The following TRADD variants were observed in gnomAD, a reference collection of about 807,000 sequenced individuals.
TRADD encodes tumor necrosis factor receptor type 1-associated DEATH domain protein.
In TRADD, 14 loss-of-function variants were observed where a neutral mutation model predicts 31.5. The observed-to-expected ratio is 0.44, with a 90% CI of 0.29 to 0.69. The LOEUF (loss-of-function observed/expected upper bound fraction) is 0.69, where lower values mean the gene tolerates loss of function less well. Ranked by LOEUF, TRADD falls within the 30% of genes least tolerant of loss-of-function variation. TRADD has a pLI of 0.11. For synonymous variants in TRADD, 220 were observed against 215.8 expected, an observed-to-expected ratio of 1.02 and a Z score of -0.17; for missense variants, 388 against 435.7, an observed-to-expected ratio of 0.89 and a Z score of 0.97.
In TRADD at chr16:67,156,449, G is replaced by C; in HGVS notation, c.151+61C>G. On this transcript the variant is annotated intron_variant, in intron 2 of 4. Transcript: ENST00000345057. This position sits in a 1 kb window ranked among gnomAD's most constrained non-coding sequence, Gnocchi z 4.6. ...TCTTCTTAAAGGTGGCTAAACCCAG[G>C]CCCACCCACAAAATGCTCCAGGCCA... 5 of 1,600,688 alleles carry C rather than the reference G, an allele frequency of 3.1e-6. No homozygotes were observed. The highest frequency in any genetic ancestry group is 4.2e-6 in the Non-Finnish European group (5 of 1,179,318).
chr16:67,158,077 T>C (rs563418270), intron 1 of TRADD, among the ~76,000 whole-genome samples: 1 of 152,330 alleles, frequency 6.6e-6, no homozygotes, highest in East Asian at 1.9e-4. Flanking sequence ...GCCATCTGTT[T>C]ACATGAGGAA....
At chr16:67,155,005 G>A (rs1188380998) in intron 4 of TRADD, 46 bp from the exon 5 acceptor site, 1 of 1,580,308 alleles carries the variant, frequency 6.3e-7, no homozygotes, top group Non-Finnish European at 8.6e-7. Flanking sequence ...GACCCCCAGC[G>A]CCGGTCCCAC....
rs1450327036 is a variant in TRADD, at chr16:67,154,538, G to T, written c.*111C>A. 7.3e-7 allele frequency: 1 copy of T among 1,366,664 alleles called. No homozygotes were observed. Among genetic ancestry groups the T allele is most frequent in the Non-Finnish European group, 1.0e-6 (1 of 994,678 alleles). 84.7% of individuals were successfully genotyped at this position (1,366,664 alleles called of 1,614,324 possible). A position where few individuals can be genotyped will look rare whatever the true frequency, so the allele number is the denominator to read the frequency against. ...CAACTCTGCCCCAGCAGGTCCAGCA[G>T]ATAGGCCAAGTGGAGTTTCAGGGTC... On this transcript the variant is annotated 3_prime_UTR_variant, in exon 5 of 5. Coordinates refer to ENST00000345057, the MANE Select transcript of TRADD (RefSeq NM_003789.4). The surrounding 1 kb of genome is among the most constrained non-coding windows in gnomAD (Gnocchi z 5.2).
In TRADD at chr16:67,154,742, C is replaced by T. The variant is rs2030592291; in HGVS notation, c.846G>A (p.Leu282=). 4 of 1,610,492 alleles carry T rather than the reference C, an allele frequency of 2.5e-6. No individual in the cohort carries two copies. The highest frequency in any genetic ancestry group is 3.4e-6 in the Non-Finnish European group (4 of 1,178,886). ...CCTCGAGTGCCTCCACCAGGCGCTG[C>T]AGCGTGGCGCGGCGGCCCTCGGCCT... ...FVQAEGRRAT[L]QRLVEALEEN... is the part of the protein sequence containing the mutation. The change falls in exon 5 of 5, where the codon CTG becomes CTA. Residue 282 remains leucine, a synonymous_variant. Transcript: ENST00000345057. The surrounding 1 kb of genome is among the most constrained non-coding windows in gnomAD (Gnocchi z 5.2).
chr16:67,156,792 T>G lies in TRADD; in HGVS notation c.-8-124A>C. On this transcript the variant is annotated intron_variant, in intron 1 of 4. Transcript: ENST00000345057. The surrounding 1 kb of genome is among the most constrained non-coding windows in gnomAD (Gnocchi z 4.6). ...AGCCTCAAGTCCCACATGGTTCAGTTGTCCCCACCACTGGTTGGCATACTT... is the reference window on the plus strand; with the variant it reads ...AGCCTCAAGTCCCACATGGTTCAGTGGTCCCCACCACTGGTTGGCATACTT... 4 of 1,282,164 alleles carry G rather than the reference T, an allele frequency of 3.1e-6. No individual in the cohort carries two copies. The highest frequency in any genetic ancestry group is 2.2e-6 in the Non-Finnish European group (2 of 891,362). The allele number at this position is 1,282,164 out of a possible 1,614,324, so 79.4% of individuals were successfully genotyped here. A position where few individuals can be genotyped will look rare whatever the true frequency, so the allele number is the denominator to read the frequency against.
chr16:67,154,547 A>AGTGGAGTT lies in TRADD; in HGVS notation c.*94_*101dup. 1 of 1,425,374 alleles carries AGTGGAGTT rather than the reference A, an allele frequency of 7.0e-7. No homozygotes were observed. The highest frequency in any genetic ancestry group is 2.5e-5 in the East Asian group (1 of 40,362). 88.3% of individuals were successfully genotyped at this position (1,425,374 alleles called of 1,614,324 possible). On this transcript the variant is annotated 3_prime_UTR_variant, in exon 5 of 5. Transcript: ENST00000345057. This position sits in a 1 kb window ranked among gnomAD's most constrained non-coding sequence, Gnocchi z 5.2. ...CCCAGCAGGTCCAGCAGATAGGCCA[A>AGTGGAGTT]GTGGAGTTTCAGGGTCCCGTGGATG...
intron 1 of TRADD, among the ~76,000 whole-genome samples, chr16:67,157,401 A>G (rs1452459871): frequency 1.3e-5 from 2 of 151,608 alleles, no homozygotes; most frequent in Non-Finnish European, 2.9e-5. Context: ...CAACGCTGCG[A>G]CTCTGGTTGA....
In TRADD at chr16:67,155,474, G is replaced by C; in HGVS notation, c.332C>G (p.Ser111Trp). ...GCGCAGCTCCAGTTGCAGCGGCACC[G>C]AGTGCTGGGCGAGCGCGGCCGCCAG... ...RSLAAALAQHSVPLQLELRAG... is the reference protein window; with the variant it reads ...RSLAAALAQHWVPLQLELRAG... The change falls in exon 3 of 5, where the codon TCG becomes TGG. Residue 111 changes from serine to tryptophan, a missense_variant. Coordinates refer to ENST00000345057, the MANE Select transcript of TRADD (RefSeq NM_003789.4). The C allele has an allele frequency of 1.9e-6, 3 of 1,584,964 alleles. No homozygotes were observed. The highest frequency in any genetic ancestry group is 2.6e-6 in the Non-Finnish European group (3 of 1,173,628).
rs2030576695 is a variant in TRADD at position 67,154,466 on chromosome 16, A to C, written c.*183T>G. 2 of 714,918 alleles carry C rather than the reference A, an allele frequency of 2.8e-6. No homozygotes were observed. The highest frequency in any genetic ancestry group is 1.8e-5 in the African/African-American group (1 of 56,504). 44.3% of individuals were successfully genotyped at this position (714,918 alleles called of 1,614,324 possible). ...ACTCTATCAAAGTACCTGAGGCAGA[A>C]TCCCCAATGATGCACCCCCAGTGGT... On this transcript the variant is annotated 3_prime_UTR_variant, in exon 5 of 5. Transcript: ENST00000345057. This position sits in a 1 kb window ranked among gnomAD's most constrained non-coding sequence, Gnocchi z 5.2.
Position 67,155,540 on chromosome 16 carries a change from G to A in TRADD, c.266C>T (p.Ala89Val). 1 of 1,521,962 alleles carries A rather than the reference G, an allele frequency of 6.6e-7. No individual in the cohort carries two copies. The highest frequency in any genetic ancestry group is 1.4e-5 in the African/African-American group (1 of 70,746). 94.3% of individuals were successfully genotyped at this position (1,521,962 alleles called of 1,614,324 possible). A position where few individuals can be genotyped will look rare whatever the true frequency, so the allele number is the denominator to read the frequency against. Reference protein sequence around the residue: ...GRQPCGRFLRAYREGALRAAL... With the variant: ...GRQPCGRFLRVYREGALRAAL... Reference sequence around the variant, plus strand: ...GGCGCGCAGCGCCCCCTCGCGGTAGGCGCGGAGGAAGCGGCCACAGGGCTG... The same window carrying A: ...GGCGCGCAGCGCCCCCTCGCGGTAGACGCGGAGGAAGCGGCCACAGGGCTG... The change falls in exon 3 of 5, where the codon GCC (alanine) becomes GTC (valine). Residue 89 changes from alanine to valine, a missense_variant. By Grantham distance (64) the Ala-to-Val change is moderately conservative. Coordinates refer to ENST00000345057, the MANE Select transcript of TRADD (RefSeq NM_003789.4).
At position 67,159,380 on chromosome 16, in the gene TRADD, G is replaced by A. The variant is rs1011775660; in HGVS notation, c.-9+458C>T. 6.6e-6 allele frequency among the ~76,000 whole-genome samples: 1 copy of A among 152,210 alleles called. No individual in the cohort carries two copies. Among genetic ancestry groups the A allele is most frequent in the Non-Finnish European group, 1.5e-5 (1 of 68,036 alleles). On this transcript the variant is annotated intron_variant, in intron 1 of 4. Coordinates refer to ENST00000345057, the MANE Select transcript of TRADD (RefSeq NM_003789.4). This position sits in a 1 kb window ranked among gnomAD's most constrained non-coding sequence, Gnocchi z 6.8. ...ACCTCTGGCTGGGTGGACAGAGACAGCCTGTGGGCGTGGCCCAGAACTGAA... is the reference window on the plus strand; with the variant it reads ...ACCTCTGGCTGGGTGGACAGAGACAACCTGTGGGCGTGGCCCAGAACTGAA...
At position 67,155,366 on chromosome 16, in the gene TRADD, C is replaced by T. The variant is rs770088569; in HGVS notation, c.429+11G>A. On this transcript the variant is annotated intron_variant, in intron 3 of 4. Transcript: ENST00000345057. ...CCGCCCTACCCCATCCTGACCCTAG[C>T]CCGGCCGCACCTGCTGGGCTAGGAT... is the stretch of plus-strand genomic sequence containing the variant. 52 of 1,601,688 alleles carry T rather than the reference C, an allele frequency of 3.2e-5. No individual in the cohort carries two copies. The highest frequency in any genetic ancestry group is 4.3e-5 in the Non-Finnish European group (51 of 1,179,786).
In TRADD at chr16:67,156,202, G is replaced by A. The variant is rs1328022032; in HGVS notation, c.151+308C>T. ...GGAGGGGTCTTGAGCAAGGAGTGCT[G>A]CAGTAAGAGAGGAAAAGAGGAGAGA... On this transcript the variant is annotated intron_variant, in intron 2 of 4. Transcript: ENST00000345057. This position sits in a 1 kb window ranked among gnomAD's most constrained non-coding sequence, Gnocchi z 4.6. The A allele has an allele frequency of 7.0e-7, 1 of 1,427,014 alleles. No homozygotes were observed. The highest frequency in any genetic ancestry group is 1.2e-5 in the South Asian group (1 of 82,032). The allele number at this position is 1,427,014 out of a possible 1,614,324, so 88.4% of individuals were successfully genotyped here.
In TRADD at chr16:67,156,801, C is replaced by T; in HGVS notation, c.-8-133G>A. ...TCCCACATGGTTCAGTTGTCCCCAC[C>T]ACTGGTTGGCATACTTGGGACAGGA... On this transcript the variant is annotated intron_variant, in intron 1 of 4. Transcript: ENST00000345057. The surrounding 1 kb of genome is among the most constrained non-coding windows in gnomAD (Gnocchi z 4.6). 1 of 1,197,262 alleles carries T rather than the reference C, an allele frequency of 8.4e-7. No homozygotes were observed. Among genetic ancestry groups the T allele is most frequent in the Non-Finnish European group, 1.2e-6 (1 of 815,696 alleles). 74.2% of individuals were successfully genotyped at this position (1,197,262 alleles called of 1,614,324 possible). A position where few individuals can be genotyped will look rare whatever the true frequency, so the allele number is the denominator to read the frequency against.
intron 2 of TRADD, chr16:67,155,991 G>A: frequency 1.4e-6 from 2 of 1,410,390 alleles, no homozygotes. Context: ...TGGGTAGGCG[G>A]CCAGCAGGGC....
In TRADD at chr16:67,156,783, T is replaced by A; in HGVS notation, c.-8-115A>T. 1 of 1,366,996 alleles carries A rather than the reference T, an allele frequency of 7.3e-7. No homozygotes were observed. Among genetic ancestry groups the A allele is most frequent in the Non-Finnish European group, 1.0e-6 (1 of 968,082 alleles). 84.7% of individuals were successfully genotyped at this position (1,366,996 alleles called of 1,614,324 possible). ...CACCACAGTAGCCTCAAGTCCCACATGGTTCAGTTGTCCCCACCACTGGTT... is the reference window on the plus strand; with the variant it reads ...CACCACAGTAGCCTCAAGTCCCACAAGGTTCAGTTGTCCCCACCACTGGTT... On this transcript the variant is annotated intron_variant, in intron 1 of 4. Transcript: ENST00000345057. This position sits in a 1 kb window ranked among gnomAD's most constrained non-coding sequence, Gnocchi z 4.6.
At position 67,155,171 on chromosome 16, in the gene TRADD, G is replaced by A. The variant is rs1363477294; in HGVS notation, c.553C>T (p.Pro185Ser). The change falls in exon 4 of 5, where the codon CCC (proline) becomes TCC (serine). Residue 185 changes from proline (P) to serine (S), a missense_variant. Transcript: ENST00000345057. ...VASAPLQPPV[P>S]SLSEVKPPPP... ...GGCGGCTTCACCTCCGACAGAGAGG[G>A]CACCGGGGGCTGCAAGGGGGCCGAA... is the stretch of plus-strand genomic sequence containing the variant. The A allele has an allele frequency of 3.2e-6, 5 of 1,559,776 alleles. No homozygotes were observed. Among genetic ancestry groups the A allele is most frequent in the Non-Finnish European group, 4.3e-6 (5 of 1,155,480 alleles).
In TRADD at chr16:67,154,820, G is replaced by T; in HGVS notation, c.768C>A (p.Tyr256Ter). Residue 256 changes from tyrosine (Y) to a stop codon, truncating the protein, a stop_gained, in exon 5 of 5, where the codon TAC becomes TAA. Coordinates refer to ENST00000345057, the MANE Select transcript of TRADD (RefSeq NM_003789.4). LOFTEE classifies it high-confidence loss of function. The surrounding 1 kb of genome is among the most constrained non-coding windows in gnomAD (Gnocchi z 5.2). ...CCTGCTCGTACAGTCCCTCGCGCTCGTACTCGTAGGCCAGCGAGTCCAGCG... is the reference window on the plus strand; with the variant it reads ...CCTGCTCGTACAGTCCCTCGCGCTCTTACTCGTAGGCCAGCGAGTCCAGCG... ...DPALDSLAYE[Y>*]EREGLYEQAF... The T allele has an allele frequency of 6.3e-7, 1 of 1,592,310 alleles. No individual in the cohort carries two copies. The highest frequency in any genetic ancestry group is 8.5e-7 in the Non-Finnish European group (1 of 1,170,574).
rs2030715036 is a variant in TRADD at position 67,156,738 on chromosome 16, C to T, written c.-8-70G>A. 14 of 1,599,126 alleles carry T rather than the reference C, an allele frequency of 8.8e-6. No individual in the cohort carries two copies. In the South Asian group the frequency reaches 1.4e-4, roughly 16 times the overall value. ...CCACCCTGGAGACAACTACCCAGCC[C>T]CACGTGGTTCAGCTGTCCCCACCAC... is the stretch of plus-strand genomic sequence containing the variant. On this transcript the variant is annotated intron_variant, in intron 1 of 4. Coordinates refer to ENST00000345057, the MANE Select transcript of TRADD (RefSeq NM_003789.4). The surrounding 1 kb of genome is among the most constrained non-coding windows in gnomAD (Gnocchi z 4.6).
Sources: gnomAD v4.1 joint callset for allele counts (sites outside exome capture counted in the v4.1 genomes callset) on GRCh38, gnomAD v4.1.1 for gene constraint, Gnocchi (gnomAD v3.1) non-coding constraint, MANE v1.5 for transcripts, NCBI Gene and HGNC (gene_info 2026-07-23, HGNC 2026-07-21) for gene names.